GTF2A1: variants seen among roughly 807,000 people sequenced by gnomAD.
The protein encoded by GTF2A1 is transcription initiation factor IIA subunit 1.
In GTF2A1, 12 loss-of-function variants were observed where a neutral mutation model predicts 54.1. That is an observed-to-expected ratio of 0.22 (90% CI 0.14 to 0.36). GTF2A1 has a LOEUF of 0.36. Ranked by LOEUF, GTF2A1 falls within the 10% of genes least tolerant of loss-of-function variation. The pLI is 1.00. For synonymous variants in GTF2A1, 145 were observed against 152.0 expected (o/e 0.95, Z 0.34); for missense variants, 335 against 442.2 (o/e 0.76, Z 2.17).
intron 4 of GTF2A1, among the ~76,000 whole-genome samples, chr14:81,197,814 A>G (rs1034176367): frequency 2.6e-5 from 4 of 152,136 alleles, no homozygotes; most frequent in African/African-American, 9.6e-5. Flanking sequence ...CCTATACTCA[A>G]TCTAACCTAC....
chr14:81,185,254 T>C (rs1892718992), intron 8 of GTF2A1, among the ~76,000 whole-genome samples: 1 of 152,216 alleles, frequency 6.6e-6, no homozygotes, highest in African/African-American at 2.4e-5. Context: ...AGTGGCTGTT[T>C]ACTCTGCTTA....
intron 2 of GTF2A1, among the ~76,000 whole-genome samples, chr14:81,205,989 C>T (rs1395521245): frequency 6.6e-6 from 1 of 152,166 alleles, no homozygotes; most frequent in Non-Finnish European, 1.5e-5. Flanking sequence ...TCTTCCAAAA[C>T]AAAACAAAGC....
chr14:81,197,198 T>C, intron 5 of GTF2A1: 1 of 460,430 alleles, frequency 2.2e-6, no homozygotes, highest in South Asian at 3.6e-5. Flanking sequence ...GATCAAAGGT[T>C]CAAGTACAAT....
intron 7 of GTF2A1, among the ~76,000 whole-genome samples, chr14:81,191,789 TTTCTA>T (rs1339420383): frequency 2.6e-5 from 4 of 152,180 alleles, no homozygotes; most frequent in African/African-American, 9.6e-5. Flanking sequence ...TCTTGAAACA[TTTCTA>T]TTCATTTGTG....
At chr14:81,190,127 T>C (rs1482181770) in intron 7 of GTF2A1, among the ~76,000 whole-genome samples, 2 of 152,036 alleles carry the variant, frequency 1.3e-5, no homozygotes, top group East Asian at 3.9e-4. Flanking sequence ...GATAAATATA[T>C]AGAGAGTCCT....
intron 4 of GTF2A1, among the ~76,000 whole-genome samples, chr14:81,199,550 C>T (rs959491534): frequency 2.0e-5 from 3 of 152,086 alleles, no homozygotes; most frequent in Non-Finnish European, 2.9e-5. Flanking sequence ...CAGAATAATG[C>T]AAACCCACAA....
Position 81,201,653 on chromosome 14 carries a change from C to T in GTF2A1, c.343G>A (p.Ala115Thr). 5 of 1,608,024 alleles carry T rather than the reference C, an allele frequency of 3.1e-6. No individual in the cohort carries two copies. Among genetic ancestry groups the T allele is most frequent in the Non-Finnish European group, 4.3e-6 (5 of 1,174,652 alleles). Residue 115 changes from alanine to threonine, a missense_variant, in exon 4 of 9, where the codon GCA (alanine) becomes ACA (threonine). Physicochemically the swap from Ala to Thr is moderately conservative, Grantham distance 58 (BLOSUM62 0). Coordinates refer to ENST00000553612, the MANE Select transcript of GTF2A1 (RefSeq NM_015859.4). ...GAATCTGGAACAATAACTTGTGGTG[C>T]TGTGGCTACAAAAAAACAAGCGAAC... ...VLIPASQQAT[A>T]PQVIVPDSKL...
At chr14:81,181,448 A>T (rs1285633458) in intron 8 of GTF2A1, among the ~76,000 whole-genome samples, 2 of 152,204 alleles carry the variant, frequency 1.3e-5, no homozygotes, top group Non-Finnish European at 2.9e-5. Context: ...CTACTAAGTG[A>T]CAATCATGAT....
At position 81,213,973 on chromosome 14, in the gene GTF2A1, G is replaced by A. The variant is rs1191638342; in HGVS notation, c.132+2440C>T. Among the ~76,000 whole-genome samples the A allele has an allele frequency of 2.0e-5, 3 of 151,588 alleles. No individual in the cohort carries two copies. The East Asian group carries it at 5.8e-4, about 29-fold the overall frequency. On this transcript the variant is annotated intron_variant, in intron 2 of 8. Coordinates refer to ENST00000553612, the MANE Select transcript of GTF2A1 (RefSeq NM_015859.4). Reference sequence around the variant, plus strand: ...TTCTCCTGCCTCAGCCTCCCCAGTAGCTGGGATTACAGGCACGCACCACCA... The same window carrying A: ...TTCTCCTGCCTCAGCCTCCCCAGTAACTGGGATTACAGGCACGCACCACCA...
At chr14:81,219,269 G>C (rs1242955494) in intron 1 of GTF2A1, among the ~76,000 whole-genome samples, 1 of 152,124 alleles carries the variant, frequency 6.6e-6, no homozygotes, top group Non-Finnish European at 1.5e-5. Context: ...GAAATCACAG[G>C]GTGAAAAAAG....
At chr14:81,219,541 G>A (rs1893564246) in intron 1 of GTF2A1, among the ~76,000 whole-genome samples, 1 of 152,250 alleles carries the variant, frequency 6.6e-6, no homozygotes, top group African/African-American at 2.4e-5. Flanking sequence ...AGCGGCCGCA[G>A]CCATGATGGT....
chr14:81,212,709 A>G (rs1002859412), intron 2 of GTF2A1, among the ~76,000 whole-genome samples: 6 of 152,248 alleles, frequency 3.9e-5, no homozygotes, highest in Non-Finnish European at 7.3e-5. Flanking sequence ...CGTTTTATTA[A>G]GCAAGAATGT....
chr14:81,192,669 C>G lies in GTF2A1; in HGVS notation c.783G>C (p.Gln261His). The G allele has an allele frequency of 6.2e-7, 1 of 1,614,218 alleles. No individual in the cohort carries two copies. The highest frequency in any genetic ancestry group is 8.5e-7 in the Non-Finnish European group (1 of 1,180,020). ...CCAATGGAGCTTGTGTTTGAGCAGG[C>G]TGGGCCTGCGGTTGCTGCTGGCCAG... ...TATGQQQPQA[Q>H]PAQTQAPLVL... The change falls in exon 7 of 9, where the codon CAG becomes CAC. Residue 261 changes from glutamine (Q) to histidine (H), a missense_variant. Around this residue, in one of 2 missense-constraint regions of GTF2A1, gnomAD observed 306 missense variants for 360.4 expected, o/e 0.85. Coordinates refer to ENST00000553612, the MANE Select transcript of GTF2A1 (RefSeq NM_015859.4).
upstream of GTF2A1, chr14:81,221,295 G>A (rs1300502058): frequency 6.6e-6 from 1 of 152,294 alleles, no homozygotes; most frequent in Middle Eastern, 3.2e-3. Context: ...ACCGCCTCCT[G>A]TCGCACGTTT....
Position 81,220,893 on chromosome 14 carries a change from C to T in GTF2A1, c.-375G>A, listed in dbSNP as rs1019772101. On this transcript the variant is annotated 5_prime_UTR_variant, in exon 1 of 9. Coordinates refer to ENST00000553612, the MANE Select transcript of GTF2A1 (RefSeq NM_015859.4). ...CCAGCCGTCCGGTCCGCCCGCTTCT[C>T]TCCTTTATATAGCGAGCCAACAAGC... The T allele has an allele frequency of 2.8e-4, 65 of 235,718 alleles. No homozygotes were observed. The highest frequency in any genetic ancestry group is 4.8e-4 in the Non-Finnish European group (59 of 122,192). The allele number at this position is 235,718 out of a possible 1,614,324, so 14.6% of individuals were successfully genotyped here.
At chr14:81,217,938 A>G (rs1893521331) in intron 1 of GTF2A1, among the ~76,000 whole-genome samples, 1 of 152,192 alleles carries the variant, frequency 6.6e-6, no homozygotes, top group Non-Finnish European at 1.5e-5. Context: ...TATTTTGCCA[A>G]ATCCGCCTCT....
intron 3 of GTF2A1, among the ~76,000 whole-genome samples, chr14:81,202,311 A>C (rs1213320923): frequency 1.3e-5 from 2 of 152,238 alleles, no homozygotes; most frequent in African/African-American, 4.8e-5. Flanking sequence ...CCACTGTTAC[A>C]ATGAGTTACT....
intron 7 of GTF2A1, among the ~76,000 whole-genome samples, chr14:81,186,805 C>T (rs916724318): frequency 5.9e-5 from 9 of 151,838 alleles, no homozygotes; most frequent in Non-Finnish European, 7.4e-5. Flanking sequence ...AAAAAATTAG[C>T]GAGGTATGGT....
At position 81,180,124 on chromosome 14, in the gene GTF2A1, A is replaced by G; in HGVS notation, c.*99T>C. 1 of 561,416 alleles carries G rather than the reference A, an allele frequency of 1.8e-6. No homozygotes were observed. Among genetic ancestry groups the G allele is most frequent in the Non-Finnish European group, 3.2e-6 (1 of 307,904 alleles). 34.8% of individuals were successfully genotyped at this position (561,416 alleles called of 1,614,324 possible). A position where few individuals can be genotyped will look rare whatever the true frequency, so the allele number is the denominator to read the frequency against. On this transcript the variant is annotated 3_prime_UTR_variant, in exon 9 of 9. Transcript: ENST00000553612. ...CTTCTACTGCACTTTTCTGACATGC[A>G]GAAACGAAGTTTTGGTTGGCATATG...
Sources: allele counts gnomAD v4.1 joint callset (sites outside exome capture counted in the v4.1 genomes callset), GRCh38; gene constraint gnomAD v4.1.1; regional missense constraint gnomAD v4.1.1; transcripts MANE v1.5; gene names NCBI Gene and HGNC (gene_info 2026-07-23, HGNC 2026-07-21).